The following NPAS3 variants were observed in gnomAD, a reference collection of about 807,000 sequenced individuals.
The protein encoded by NPAS3 is neuronal PAS domain protein 3, also known as neuronal PAS domain-containing protein 3.
A neutral mutation model predicts 73.1 loss-of-function variants in NPAS3; 14 were observed. The ratio of observed to expected loss-of-function variants is 0.19; its 90% CI spans 0.13 to 0.30. NPAS3 has a LOEUF of 0.30. Among genes scored for constraint, NPAS3 ranks in the 10% least tolerant of loss-of-function variants. The pLI is 1.00. For missense variants in NPAS3, 1,096 were observed against 1,250.0 expected (o/e 0.88, Z 1.86); for synonymous variants, 620 against 541.5 (o/e 1.14, Z -2.01).
chr14:33,642,215 G>C (rs2058693438), intron 5 of NPAS3, among the ~76,000 whole-genome samples: 1 of 152,094 alleles, frequency 6.6e-6, no homozygotes, highest in South Asian at 2.1e-4. Flanking sequence ...CTTTTGCTTA[G>C]AGCTCTAGCT....
At chr14:33,208,150 A>T (rs1177000551) in intron 2 of NPAS3, among the ~76,000 whole-genome samples, 2 of 152,120 alleles carry the variant, frequency 1.3e-5, no homozygotes, top group African/African-American at 4.8e-5. Context: ...TATAGTTTAA[A>T]GTTCTGGGGG....
intron 6 of NPAS3, among the ~76,000 whole-genome samples, chr14:33,676,692 G>A (rs1268491100): frequency 6.6e-6 from 1 of 152,124 alleles, no homozygotes; most frequent in Non-Finnish European, 1.5e-5. Context: ...TCATTTTATT[G>A]TTACCATGGC....
chr14:33,022,254 A>G (rs1211652801), intron 1 of NPAS3, among the ~76,000 whole-genome samples: 1 of 152,272 alleles, frequency 6.6e-6, no homozygotes, highest in African/African-American at 2.4e-5. Flanking sequence ...CTTGAAAAAT[A>G]CATTGGAGCA....
chr14:33,080,209 A>G (rs578035594), intron 2 of NPAS3, among the ~76,000 whole-genome samples: 3 of 151,520 alleles, frequency 2.0e-5, no homozygotes, highest in Non-Finnish European at 4.4e-5. Flanking sequence ...CGGGGTTCAC[A>G]CCATTCTCCT....
intron 6 of NPAS3, among the ~76,000 whole-genome samples, chr14:33,706,805 C>T (rs1209309929): frequency 6.6e-6 from 1 of 152,172 alleles, no homozygotes; most frequent in Non-Finnish European, 1.5e-5. Flanking sequence ...AGCTAGGAAG[C>T]AGCCCTGAGC....
rs900014705 is a variant in NPAS3, at chr14:33,590,748, G to A, written c.558+30538G>A. 3.3e-5 allele frequency among the ~76,000 whole-genome samples: 5 copies of A among 152,294 alleles called. No individual in the cohort carries two copies. The East Asian group carries it at 9.6e-4, about 29-fold the overall frequency. ...GTTGTAGCAAAACACCAATGTCTTTGACATTTGCAGCCAGTTTCCCTGGCT... is the reference window on the plus strand; with the variant it reads ...GTTGTAGCAAAACACCAATGTCTTTAACATTTGCAGCCAGTTTCCCTGGCT... On this transcript the variant is annotated intron_variant, in intron 5 of 11. Coordinates refer to ENST00000356141, the Ensembl canonical transcript of NPAS3.
At chr14:33,055,435 T>C (rs1441913990) in intron 1 of NPAS3, among the ~76,000 whole-genome samples, 1 of 152,214 alleles carries the variant, frequency 6.6e-6, no homozygotes, top group Non-Finnish European at 1.5e-5. Flanking sequence ...TAGCAAACTC[T>C]ATATAAATTG....
chr14:33,501,069 CTAA>C (rs1020235475), intron 4 of NPAS3, among the ~76,000 whole-genome samples: 15 of 151,864 alleles, frequency 9.9e-5, no homozygotes, highest in African/African-American at 3.6e-4. Flanking sequence ...TTTTGTGATT[CTAA>C]TAATGTTAGC....
intron 2 of NPAS3, among the ~76,000 whole-genome samples, chr14:33,160,800 T>G (rs993628152): frequency 6.6e-6 from 1 of 152,124 alleles, no homozygotes; most frequent in Non-Finnish European, 1.5e-5. Flanking sequence ...CAGTTTTGAT[T>G]TTATCTTTGA....
intron 2 of NPAS3, among the ~76,000 whole-genome samples, chr14:33,163,623 G>GTTTTTTTTTT (rs71448290): frequency 5.4e-5 from 6 of 110,614 alleles, no homozygotes; most frequent in African/African-American, 6.3e-5. Flanking sequence ...GTGTTTTGTT[G>GTTTTTTTTTT]TTTTTTTTTT....
chr14:32,957,490 G>A (rs1279601139), intron 1 of NPAS3, among the ~76,000 whole-genome samples: 1 of 151,312 alleles, frequency 6.6e-6, no homozygotes, highest in African/African-American at 2.4e-5. Flanking sequence ...TCCTGCCTCA[G>A]CCTCCCGAGT....
At chr14:33,079,232 T>C (rs761604894) in intron 2 of NPAS3, among the ~76,000 whole-genome samples, 1 of 152,190 alleles carries the variant, frequency 6.6e-6, no homozygotes, top group Non-Finnish European at 1.5e-5. Flanking sequence ...TCCTCCTCCA[T>C]GTAGAACTCT....
intron 3 of NPAS3, among the ~76,000 whole-genome samples, chr14:33,297,813 G>A (rs2042364201): frequency 6.6e-6 from 1 of 152,122 alleles, no homozygotes; most frequent in Admixed American, 6.5e-5. Flanking sequence ...TTGTGCTGCT[G>A]CCACCGCGTG....
chr14:33,315,492 T>C (rs2043172549), intron 3 of NPAS3, among the ~76,000 whole-genome samples: 1 of 137,218 alleles, frequency 7.3e-6, no homozygotes, highest in Non-Finnish European at 1.6e-5. Context: ...TTGCATGAGA[T>C]TAGAAGAGTG....
At chr14:33,463,105 G>T (rs2050349239) in intron 4 of NPAS3, among the ~76,000 whole-genome samples, 1 of 152,212 alleles carries the variant, frequency 6.6e-6, no homozygotes, top group African/African-American at 2.4e-5. Flanking sequence ...TAGGAAGAAA[G>T]TGGAAGGAGT....
At chr14:33,681,858 G>GAGTT (rs1433878074) in intron 6 of NPAS3, among the ~76,000 whole-genome samples, 1 of 147,624 alleles carries the variant, frequency 6.8e-6, no homozygotes, top group Non-Finnish European at 1.5e-5. Context: ...CTTAATGACA[G>GAGTT]AGTTAGAGCT....
In NPAS3 at chr14:33,644,385, G is replaced by A. The variant is rs79998801; in HGVS notation, c.559-31826G>A. 2.0e-3 allele frequency among the ~76,000 whole-genome samples: 305 copies of A among 152,220 alleles called. 6 individuals are homozygous for A. In the East Asian group the frequency reaches 0.042, roughly 21 times the overall value. On this transcript the variant is annotated intron_variant, in intron 5 of 11. Transcript: ENST00000356141. ...CACATTTTGAACCCAAACTTGAAGC[G>A]TTAGAGTTATGCCTGTGTAGTGAGC... is the stretch of plus-strand genomic sequence containing the variant.
intron 3 of NPAS3, among the ~76,000 whole-genome samples, chr14:33,342,531 C>A (rs1397583273): frequency 1.3e-5 from 2 of 152,208 alleles, no homozygotes; most frequent in Admixed American, 6.5e-5. Flanking sequence ...GCTTTTATTT[C>A]TCTGCTCTGC....
chr14:33,605,597 A>G, intron 5 of NPAS3, among the ~76,000 whole-genome samples: 1 of 152,298 alleles, frequency 6.6e-6, no homozygotes, highest in South Asian at 2.1e-4. Flanking sequence ...TAGCAATCAC[A>G]AGTTGAAAAG....
Sources: allele counts gnomAD v4.1 joint callset (sites outside exome capture counted in the v4.1 genomes callset), GRCh38; gene constraint gnomAD v4.1.1; transcripts MANE v1.5; gene names NCBI Gene and HGNC (gene_info 2026-07-23, HGNC 2026-07-21).